The following CLINT1 variants were observed in gnomAD, a reference collection of about 807,000 sequenced individuals.
The protein encoded by CLINT1 is clathrin interacting protein localized in the trans-Golgi region.
CLINT1 carries 15 observed loss-of-function variants against 70.4 expected under a neutral mutation model. The observed-to-expected ratio is 0.21, with a 90% confidence interval of 0.14 to 0.33. CLINT1 has a LOEUF of 0.33. Among genes scored for constraint, CLINT1 ranks in the 10% least tolerant of loss-of-function variants. CLINT1 has a pLI of 1.00. For synonymous variants in CLINT1, 227 were observed against 254.7 expected (o/e 0.89, Z 1.04); for missense variants, 615 against 778.1 (o/e 0.79, Z 2.49).
chr5:157,817,997 A>AT (rs1178182059), intron 1 of CLINT1, among the ~76,000 whole-genome samples: 7 of 152,158 alleles, frequency 4.6e-5, no homozygotes, highest in African/African-American at 1.7e-4. Flanking sequence ...TCTATATCAC[A>AT]TTTTTAAAAG....
Position 157,826,207 on chromosome 5 carries a change from T to C in CLINT1, c.42-8660A>G, listed in dbSNP as rs528196724. On this transcript the variant is annotated intron_variant, in intron 1 of 11. Transcript: ENST00000411809. ...CTTCAAAATTATGAAAATGGAAATG[T>C]CTGTACAGACTGTTAACAATCTCCC... Among the ~76,000 whole-genome samples the C allele has an allele frequency of 3.3e-5, 5 of 152,238 alleles. No individual in the cohort carries two copies. The East Asian group carries it at 9.6e-4, about 29-fold the overall frequency.
At position 157,792,043 on chromosome 5, in the gene CLINT1, G is replaced by A. The variant is rs200290814; in HGVS notation, c.1088-48C>T. Reference sequence around the variant, plus strand: ...GGTAAGAAACTTCATGGAATGCACAGAACAAATGTAACAATCTATGAACTG... The same window carrying A: ...GGTAAGAAACTTCATGGAATGCACAAAACAAATGTAACAATCTATGAACTG... On this transcript the variant is annotated intron_variant, in intron 9 of 11. Coordinates refer to ENST00000411809, the MANE Select transcript of CLINT1 (RefSeq NM_014666.4). 2,462 of 1,507,794 alleles carry A rather than the reference G, an allele frequency of 1.6e-3. 4 individuals carry two copies. Among genetic ancestry groups the A allele is most frequent in the Non-Finnish European group, 2.1e-3 (2,274 of 1,108,862 alleles). 93.4% of individuals were successfully genotyped at this position (1,507,794 alleles called of 1,614,324 possible).
chr5:157,841,690 G>A (rs1753183741), intron 1 of CLINT1, among the ~76,000 whole-genome samples: 3 of 152,132 alleles, frequency 2.0e-5, no homozygotes, highest in Non-Finnish European at 4.4e-5. Context: ...GCACAACCAG[G>A]GCTCATTGAA....
rs1762494764 is a variant in CLINT1 at position 157,809,731 on chromosome 5, T to C, written c.592A>G (p.Ser198Gly). 3 of 1,613,672 alleles carry C rather than the reference T, an allele frequency of 1.9e-6. No homozygotes were observed. In the African/African-American group the frequency reaches 4.0e-5, roughly 22 times the overall value. Reference sequence around the variant, plus strand: ...TCACTCAGCTCACCTAATTTATCACTGAATGGAAAAGCACTCTTGTTTTTA... The same window carrying C: ...TCACTCAGCTCACCTAATTTATCACCGAATGGAAAAGCACTCTTGTTTTTA... ...WDKNKSAFPF[S>G]DKLGELSDKI... Residue 198 changes from serine to glycine, a missense_variant, in exon 6 of 12, where the codon AGT becomes GGT. Physicochemically the swap from Ser to Gly is moderately conservative, Grantham distance 56 (BLOSUM62 0). Coordinates refer to ENST00000411809, the MANE Select transcript of CLINT1 (RefSeq NM_014666.4).
At chr5:157,791,476 A>G in intron 10 of CLINT1, 2 of 520,000 alleles carry the variant, frequency 3.8e-6, no homozygotes, top group Non-Finnish European at 6.8e-6. Context: ...TACAGTGACT[A>G]CAAGATGGGG....
intron 10 of CLINT1, chr5:157,789,779 A>G (rs555620041): frequency 2.9e-5 from 16 of 551,914 alleles, no homozygotes; most frequent in Non-Finnish European, 5.2e-5. Context: ...ACTTACCTAC[A>G]CTAACAATTA....
intron 1 of CLINT1, among the ~76,000 whole-genome samples, chr5:157,853,304 T>C (rs1026377668): frequency 6.7e-6 from 1 of 148,562 alleles, no homozygotes; most frequent in Non-Finnish European, 1.5e-5. Flanking sequence ...GATCACACCA[T>C]GGCACTCCAG....
At chr5:157,788,139 C>T (rs908431176) in intron 11 of CLINT1, 147 bp from the exon 12 acceptor site, 6 of 709,198 alleles carry the variant, frequency 8.5e-6, no homozygotes, top group African/African-American at 1.8e-5. Flanking sequence ...AAATCAATTA[C>T]TCTGCACTGG....
Position 157,837,667 on chromosome 5 carries a change from C to A in CLINT1, c.42-20120G>T, listed in dbSNP as rs1399104894. On this transcript the variant is annotated intron_variant, in intron 1 of 11. Coordinates refer to ENST00000411809, the MANE Select transcript of CLINT1 (RefSeq NM_014666.4). ...TCTTTTACTTTTTTTTTTTTTGAGACGGAGTCTCACTCTGTCCCCAGGCTG... is the reference window on the plus strand; with the variant it reads ...TCTTTTACTTTTTTTTTTTTTGAGAAGGAGTCTCACTCTGTCCCCAGGCTG... 4.8e-5 allele frequency among the ~76,000 whole-genome samples: 3 copies of A among 62,230 alleles called. No homozygotes were observed. The East Asian group carries it at 1.2e-3, about 24-fold the overall frequency. 40.8% of individuals were successfully genotyped at this position (62,230 alleles called of 152,430 possible). A position where few individuals can be genotyped will look rare whatever the true frequency, so the allele number is the denominator to read the frequency against.
In CLINT1 at chr5:157,848,810, C is replaced by T. The variant is rs10069289; in HGVS notation, c.41+10120G>A. ...CTGAGTAGCAGGGATCACAGGCGCC[C>T]GCCACCACGCCCAGCTAATTTTTGT... is the stretch of plus-strand genomic sequence containing the variant. On this transcript the variant is annotated intron_variant, in intron 1 of 11. Coordinates refer to ENST00000411809, the MANE Select transcript of CLINT1 (RefSeq NM_014666.4). Among the ~76,000 whole-genome samples the T allele has an allele frequency of 9.3e-3, 1,416 of 152,234 alleles. 33 individuals carry two copies. The highest frequency in any genetic ancestry group is 0.032 in the African/African-American group (1,322 of 41,540).
At chr5:157,814,692 C>T (rs1225469208) in intron 3 of CLINT1, among the ~76,000 whole-genome samples, 1 of 152,068 alleles carries the variant, frequency 6.6e-6, no homozygotes, top group Non-Finnish European at 1.5e-5. Context: ...ATAGTATTTT[C>T]CCCAGATAAA....
chr5:157,788,074 C>T (rs965492120), intron 11 of CLINT1, 82 bp from the exon 12 acceptor site: 28 of 1,056,310 alleles, frequency 2.7e-5, no homozygotes, highest in Non-Finnish European at 3.7e-5. Context: ...ACTTCTTGAC[C>T]ATCTATCTAT....
At chr5:157,821,650 TGAA>T (rs1290517843) in intron 1 of CLINT1, among the ~76,000 whole-genome samples, 1 of 152,182 alleles carries the variant, frequency 6.6e-6, no homozygotes, top group Non-Finnish European at 1.5e-5. Flanking sequence ...ATGAGTGACT[TGAA>T]GAGTAGGTTT....
At chr5:157,836,818 C>G (rs1419114579) in intron 1 of CLINT1, among the ~76,000 whole-genome samples, 1 of 152,254 alleles carries the variant, frequency 6.6e-6, no homozygotes, top group Non-Finnish European at 1.5e-5. Context: ...TCTGGCCACT[C>G]TATCTAAAAT....
chr5:157,825,444 A>G (rs1763006307), intron 1 of CLINT1, among the ~76,000 whole-genome samples: 1 of 152,178 alleles, frequency 6.6e-6, no homozygotes, highest in South Asian at 2.1e-4. Flanking sequence ...AGTAAAAAGC[A>G]GCTTACTACC....
intron 6 of CLINT1, among the ~76,000 whole-genome samples, chr5:157,808,025 A>C (rs1426438239): frequency 6.6e-6 from 1 of 152,110 alleles, no homozygotes; most frequent in Non-Finnish European, 1.5e-5. Context: ...TATTTTTAGC[A>C]CTTTGAATAA....
At chr5:157,847,962 A>G (rs1414782846) in intron 1 of CLINT1, among the ~76,000 whole-genome samples, 2 of 152,018 alleles carry the variant, frequency 1.3e-5, no homozygotes, top group Non-Finnish European at 2.9e-5. Context: ...ACTTGCCACC[A>G]CACCTGACTA....
At chr5:157,851,888 G>A (rs1050631946) in intron 1 of CLINT1, among the ~76,000 whole-genome samples, 1 of 152,038 alleles carries the variant, frequency 6.6e-6, no homozygotes, top group Non-Finnish European at 1.5e-5. Context: ...TCCTTTACCT[G>A]TATTTAATTT....
rs574927640 is a variant in CLINT1 at position 157,842,746 on chromosome 5, C to T, written c.41+16184G>A. Among the ~76,000 whole-genome samples the T allele has an allele frequency of 7.2e-5, 11 of 152,188 alleles. 1 individual carries two copies. The South Asian group carries it at 2.1e-3, about 29-fold the overall frequency. On this transcript the variant is annotated intron_variant, in intron 1 of 11. Coordinates refer to ENST00000411809, the MANE Select transcript of CLINT1 (RefSeq NM_014666.4). ...CAATAAATTTTAAAAGTTTAAGCTC[C>T]TAGGGTTCATTTACAGAAACAAAGT... is the stretch of plus-strand genomic sequence containing the variant.
Sources: gnomAD v4.1 joint callset for allele counts (sites outside exome capture counted in the v4.1 genomes callset) on GRCh38, gnomAD v4.1.1 for gene constraint, MANE v1.5 for transcripts, NCBI Gene and HGNC (gene_info 2026-07-23, HGNC 2026-07-21) for gene names.